Variants in CUL4B observed in about 807,000 individuals in gnomAD.
CUL4B encodes the protein cullin 4B, also known as cullin-4B.
In CUL4B, 1 loss-of-function variant was observed where a neutral mutation model predicts 69.2. That is an observed-to-expected ratio of 0.01 (90% CI 0.01 to 0.07). The LOEUF (loss-of-function observed/expected upper bound fraction) is 0.07. Ranked by LOEUF, CUL4B falls within the 10% of genes least tolerant of loss-of-function variation. The probability of loss-of-function intolerance (pLI) is 1.00; values close to 1 mark genes in which losing one functional copy is unlikely to be tolerated. For missense variants in CUL4B, 328 were observed against 638.8 expected (o/e 0.51, Z 5.24); for synonymous variants, 237 against 223.2 (o/e 1.06, Z -0.55).
intron 15 of CUL4B, among the ~76,000 whole-genome samples, chrX:120,536,162 C>T (rs1923659268): frequency 8.8e-6 from 1 of 113,001 alleles, no homozygotes; most frequent in Non-Finnish European, 1.9e-5. Flanking sequence ...ATTTAATCAT[C>T]CCCTCTTTTG....
chrX:120,566,361 A>ATATATG (rs1556253000), upstream of CUL4B, among the ~76,000 whole-genome samples: 10 of 55,100 alleles, frequency 1.8e-4, no homozygotes, highest in African/African-American at 5.9e-4. Context: ...ATATATATAT[A>ATATATG]TATATATATA....
intron 9 of CUL4B, among the ~76,000 whole-genome samples, chrX:120,542,237 GTACA>G (rs1204447879): frequency 1.8e-5 from 2 of 111,735 alleles, no homozygotes; most frequent in Non-Finnish European, 3.8e-5. Flanking sequence ...GCCATATTAT[GTACA>G]TAGTTATATT....
At chrX:120,573,875 G>C (rs2147359808) in intron 2 of CUL4B, among the ~76,000 whole-genome samples, 1 of 111,651 alleles carries the variant, frequency 9.0e-6, no homozygotes, top group African/African-American at 3.3e-5. Context: ...CCAGGCTGGA[G>C]TGCAATGGCA....
intron 1 of CUL4B, among the ~76,000 whole-genome samples, chrX:120,559,046 A>G (rs1925138166): frequency 9.0e-6 from 1 of 111,142 alleles, no homozygotes; most frequent in Admixed American, 9.6e-5. Context: ...ACAACACCAT[A>G]GCCCTCTGCT....
intron 7 of CUL4B, 58 bp from the exon 8 acceptor site, chrX:120,543,867 T>C (rs373992272): frequency 1.5e-4 from 133 of 910,865 alleles, no homozygotes; most frequent in Admixed American, 6.7e-5. Flanking sequence ...TCAGAAAATG[T>C]CAAGTCCAAA....
At chrX:120,531,179 G>A (rs368789502) in intron 18 of CUL4B, among the ~76,000 whole-genome samples, 2 of 109,121 alleles carry the variant, frequency 1.8e-5, no homozygotes, top group Admixed American at 2.0e-4. Flanking sequence ...AAAATTAGCC[G>A]GGCATGGTCG....
upstream of CUL4B, among the ~76,000 whole-genome samples, chrX:120,566,018 G>A (rs1433880679): frequency 6.4e-5 from 7 of 108,599 alleles, no homozygotes; most frequent in Middle Eastern, 4.9e-3. Flanking sequence ...GTGAGCCACC[G>A]CGCCCGGCCC....
Position 120,560,579 on chromosome X carries a change from G to T in CUL4B, c.60C>A (p.Val20=). The T allele has an allele frequency of 8.3e-7, 1 of 1,208,649 alleles. No individual in the cohort carries two copies. Residue 20 remains valine, a synonymous_variant, in exon 1 of 20, where the codon GTC becomes GTA. Transcript: ENST00000371322. ...SPSAAAAAQE[V]RSATDGNTST... ...TGGTATTACCATCAGTGGCAGATCT[G>T]ACCTCCTGAGCAGCAGCAGCAGCTG...
chrX:120,540,293 T>C (rs1923913655), intron 11 of CUL4B, 77 bp downstream of exon 11: 11 of 963,363 alleles, frequency 1.1e-5, no homozygotes, highest in Non-Finnish European at 1.6e-5. Flanking sequence ...TACTACAACC[T>C]GGTAAAAATT....
At chrX:120,551,475 C>T (rs1266989378) in intron 2 of CUL4B, among the ~76,000 whole-genome samples, 1 of 111,302 alleles carries the variant, frequency 9.0e-6, no homozygotes, top group South Asian at 3.7e-4. Context: ...TGCTGGATTA[C>T]ATGCATGAGC....
At chrX:120,568,816 A>G (rs1377474657), downstream of CUL4B, among the ~76,000 whole-genome samples, 1 of 111,951 alleles carries the variant, frequency 8.9e-6, no homozygotes, top group East Asian at 2.8e-4. Context: ...CACAAAGCAC[A>G]CAGACCTAAG....
intron 14 of CUL4B, 128 bp downstream of exon 14, chrX:120,537,996 G>T: frequency 2.1e-6 from 1 of 487,090 alleles, no homozygotes; most frequent in South Asian, 3.7e-5. Flanking sequence ...TTTCTACTGT[G>T]AATATCACCT....
chrX:120,544,064 G>T, intron 7 of CUL4B, 50 bp downstream of exon 7: 1 of 775,096 alleles, frequency 1.3e-6, no homozygotes. Context: ...TACAAAGTAA[G>T]GTCTATTGTG....
At position 120,560,957 on chromosome X, in the gene CUL4B, G is replaced by C. The variant is rs991339274; in HGVS notation, c.-319C>G. 3.6e-5 allele frequency: 27 copies of C among 750,738 alleles called. No individual in the cohort carries two copies. The highest frequency in any genetic ancestry group is 4.1e-5 in the Non-Finnish European group (26 of 638,242). 61.9% of individuals were successfully genotyped at this position (750,738 alleles called of 1,213,427 possible). On this transcript the variant is annotated 5_prime_UTR_variant, in exon 1 of 20. Coordinates refer to ENST00000371322, the MANE Select transcript of CUL4B (RefSeq NM_001079872.2). ...CCCCTTTCTGCAGGAGCGACTCAGC[G>C]AGTCTGTGAGGCTGCAGCTCCTCCT...
chrX:120,566,367 A>G (rs867836077), upstream of CUL4B, among the ~76,000 whole-genome samples: 45 of 57,131 alleles, frequency 7.9e-4, no homozygotes, highest in African/African-American at 2.4e-3. Flanking sequence ...ATATATATAT[A>G]TATATATATA....
chrX:120,543,750 A>G lies in CUL4B; in HGVS notation c.1233T>C (p.Ile411=). 8.3e-7 allele frequency: 1 copy of G among 1,201,116 alleles called. No homozygotes were observed. Among genetic ancestry groups the G allele is most frequent in the Non-Finnish European group, 1.1e-6 (1 of 885,858 alleles). Residue 411 remains isoleucine, a synonymous_variant, in exon 8 of 20, where the codon ATT becomes ATC. Coordinates refer to ENST00000371322, the MANE Select transcript of CUL4B (RefSeq NM_001079872.2). ...ACTGGGTGGTCTGATCTAAGTAAGTAATAAGTCTGTCTGCTTCTTCTTCTA... is the reference window on the plus strand; with the variant it reads ...ACTGGGTGGTCTGATCTAAGTAAGTGATAAGTCTGTCTGCTTCTTCTTCTA... ...KRLEEEADRL[I]TYLDQTTQKS...
chrX:120,540,703 A>T (rs45549338), intron 10 of CUL4B, 141 bp from the exon 11 acceptor site: 5 of 495,334 alleles, frequency 1.0e-5, no homozygotes, highest in Non-Finnish European at 1.6e-5. Context: ...GAATCTTGCT[A>T]TGTTGCCCAG....
chrX:120,529,942 GT>G (rs76254851), intron 19 of CUL4B, among the ~76,000 whole-genome samples, 159 bp downstream of exon 19: 3 of 104,845 alleles, frequency 2.9e-5, no homozygotes, highest in African/African-American at 6.9e-5. Flanking sequence ...TGCCAACAAA[GT>G]TTTTTTTTTT....
chrX:120,543,688 G>A (rs769540198), intron 8 of CUL4B, 39 bp downstream of exon 8: 41 of 970,139 alleles, frequency 4.2e-5, no homozygotes, highest in Non-Finnish European at 5.7e-5. Flanking sequence ...GTGATTTAAC[G>A]ACAGTTTAAG....
Sources: allele counts gnomAD v4.1 joint callset (sites outside exome capture counted in the v4.1 genomes callset), GRCh38; gene constraint gnomAD v4.1.1; transcripts MANE v1.5; gene names NCBI Gene and HGNC (gene_info 2026-07-23, HGNC 2026-07-21).